The following TIA1 variants were observed in gnomAD, a reference collection of about 807,000 sequenced individuals.
TIA1 encodes the protein TIA1 cytotoxic granule associated RNA binding protein, also known as cytotoxic granule associated RNA binding protein TIA1.
In TIA1, 23 loss-of-function variants were observed where a neutral mutation model predicts 65.9. The observed-to-expected ratio is 0.35, with a 90% CI of 0.25 to 0.49. TIA1 has a LOEUF of 0.49. TIA1 is among the 20% of genes least tolerant of loss of function. The pLI is 0.98. For synonymous variants in TIA1, 147 were observed against 149.4 expected, an observed-to-expected ratio of 0.98 and a Z score of 0.12; for missense variants, 371 against 477.9, an observed-to-expected ratio of 0.78 and a Z score of 2.09.
chr2:70,224,585 C>G lies in TIA1; in HGVS notation c.443G>C (p.Gly148Ala), dbSNP rs1200540437. The change falls in exon 7 of 13, where the codon GGA becomes GCA. Residue 148 changes from glycine (G) to alanine (A), a missense_variant. Physicochemically the swap from Gly to Ala is moderately conservative, Grantham distance 60. Coordinates refer to ENST00000433529, the MANE Select transcript of TIA1 (RefSeq NM_022173.4). Reference protein sequence around the residue: ...VKDMATGKSKGYGFVSFFNKW... With the variant: ...VKDMATGKSKAYGFVSFFNKW... Reference sequence around the variant, plus strand: ...GTTGAAAAAGGAGACAAAGCCATATCCCTTAGACTTTCCTGTTGCCATGTC... The same window carrying G: ...GTTGAAAAAGGAGACAAAGCCATATGCCTTAGACTTTCCTGTTGCCATGTC... 2 of 1,614,044 alleles carry G rather than the reference C, an allele frequency of 1.2e-6. No homozygotes were observed. The highest frequency in any genetic ancestry group is 2.2e-5 in the South Asian group (2 of 91,080).
At chr2:70,228,872 A>G in intron 5 of TIA1, 187 bp downstream of exon 5, 2 of 1,442,574 alleles carry the variant, frequency 1.4e-6, no homozygotes, top group Non-Finnish European at 1.8e-6. Flanking sequence ...AGCTTGAACT[A>G]GCACCAAAGT....
At chr2:70,247,740 C>T (rs1296420441) in intron 1 of TIA1, among the ~76,000 whole-genome samples, 14 of 152,104 alleles carry the variant, frequency 9.2e-5, no homozygotes, top group Non-Finnish European at 2.9e-5. Context: ...AAATCCATTT[C>T]CCCTCAATTG....
At position 70,217,656 on chromosome 2, in the gene TIA1, C is replaced by G. The variant is rs144487924; in HGVS notation, c.475-662G>C. ...TCGTGATCCTCCCAACTCGGCCTCT[C>G]AAAGTGCTGGGATTACAGGCGTGAG... On this transcript the variant is annotated intron_variant, in intron 7 of 12. Transcript: ENST00000433529. 5.4e-3 allele frequency among the ~76,000 whole-genome samples: 829 copies of G among 152,268 alleles called. 3 individuals are homozygous for G. Among genetic ancestry groups the G allele is most frequent in the Non-Finnish European group, 9.0e-3 (609 of 68,014 alleles).
chr2:70,215,439 T>C lies in TIA1; in HGVS notation c.820A>G (p.Ile274Val), dbSNP rs539059746. ...HAIVSVNGTT[I>V]EGHVVKCYWG... ...TAGCATTTCACAACATGACCTTCAATGGTAGTACCATTAACAGAAACAATT... is the reference window on the plus strand; with the variant it reads ...TAGCATTTCACAACATGACCTTCAACGGTAGTACCATTAACAGAAACAATT... The change falls in exon 11 of 13, where the codon ATT (isoleucine) becomes GTT (valine). Residue 274 changes from isoleucine (I) to valine (V), a missense_variant. Physicochemically the swap from Ile to Val is conservative, Grantham distance 29. Coordinates refer to ENST00000433529, the MANE Select transcript of TIA1 (RefSeq NM_022173.4). 3 of 1,614,024 alleles carry C rather than the reference T, an allele frequency of 1.9e-6. No homozygotes were observed. The highest frequency in any genetic ancestry group is 1.3e-5 in the African/African-American group (1 of 75,062).
Position 70,229,400 on chromosome 2 carries a change from A to G in TIA1, c.223-82T>C, listed in dbSNP as rs181992244. 2.6e-4 allele frequency: 307 copies of G among 1,202,360 alleles called. 2 individuals carry two copies. Among genetic ancestry groups the G allele is most frequent in the Non-Finnish European group, 4.9e-5 (41 of 836,916 alleles). The allele number at this position is 1,202,360 out of a possible 1,614,324, so 74.5% of individuals were successfully genotyped here. ...TTTGTATCTATAAACACATAGGAAGATATCTGTTTAAGATGAAACACTGAA... is the reference window on the plus strand; with the variant it reads ...TTTGTATCTATAAACACATAGGAAGGTATCTGTTTAAGATGAAACACTGAA... On this transcript the variant is annotated intron_variant, in intron 3 of 12. Transcript: ENST00000433529.
rs780075525 is a variant in TIA1, at chr2:70,248,570, A to AATT, written c.-143_-141dup. Reference sequence around the variant, plus strand: ...TTACTCCGCCTCCTCCTCCGGCGGCAATTACACTAAACCGCCCGGCCCAGC... The same window carrying AATT: ...TTACTCCGCCTCCTCCTCCGGCGGCAATTATTACACTAAACCGCCCGGCCCAGC... On this transcript the variant is annotated 5_prime_UTR_variant, in exon 1 of 13. Coordinates refer to ENST00000433529, the MANE Select transcript of TIA1 (RefSeq NM_022173.4). 2.7e-5 allele frequency: 34 copies of AATT among 1,281,130 alleles called. No homozygotes were observed. In the African/African-American group the frequency reaches 4.6e-4, roughly 17 times the overall value. The allele number at this position is 1,281,130 out of a possible 1,614,324, so 79.4% of individuals were successfully genotyped here. A position where few individuals can be genotyped will look rare whatever the true frequency, so the allele number is the denominator to read the frequency against.
intron 6 of TIA1, chr2:70,225,086 T>G: frequency 2.0e-6 from 2 of 994,276 alleles, no homozygotes; most frequent in Non-Finnish European, 2.4e-6. Flanking sequence ...TTCCCTAAAC[T>G]AATTAAACTA....
intron 1 of TIA1, among the ~76,000 whole-genome samples, chr2:70,245,702 G>A (rs369901588): frequency 6.3e-4 from 96 of 152,226 alleles, no homozygotes; most frequent in African/African-American, 2.2e-3. Flanking sequence ...AAACTTTCGG[G>A]AAGTTTGTCT....
chr2:70,230,919 A>T (rs1055159801), intron 2 of TIA1, 65 bp from the exon 3 acceptor site: 3 of 709,808 alleles, frequency 4.2e-6, no homozygotes, highest in Admixed American at 7.6e-5. Context: ...AAAATTATGT[A>T]AAAAAAAAAA....
At chr2:70,235,874 C>T (rs1344439860) in intron 2 of TIA1, among the ~76,000 whole-genome samples, 2 of 152,034 alleles carry the variant, frequency 1.3e-5, no homozygotes, top group Non-Finnish European at 2.9e-5. Context: ...AAATTAAATT[C>T]AGCTGTCAAA....
At position 70,230,806 on chromosome 2, in the gene TIA1, G is replaced by T. The variant is rs1422884714; in HGVS notation, c.172C>A (p.His58Asn). ...YCFVEFHEHR[H>N]AAAALAAMNG... ...ATAGCAGCTAATGCTGCAGCTGCAT[G>T]ACGATGCTCATGAAACTCCACAAAA... The change falls in exon 3 of 13, where the codon CAT (histidine) becomes AAT (asparagine). Residue 58 changes from histidine to asparagine, a missense_variant. His to Asn is a moderately conservative substitution (Grantham distance 68). Coordinates refer to ENST00000433529, the MANE Select transcript of TIA1 (RefSeq NM_022173.4). The T allele has an allele frequency of 6.2e-7, 1 of 1,612,910 alleles. No individual in the cohort carries two copies. Among genetic ancestry groups the T allele is most frequent in the Admixed American group, 1.7e-5 (1 of 59,790 alleles).
chr2:70,224,811 T>A, intron 6 of TIA1, 182 bp from the exon 7 acceptor site: 1 of 1,385,448 alleles, frequency 7.2e-7, no homozygotes, highest in Non-Finnish European at 9.4e-7. Context: ...TTTATAGACA[T>A]GCAAATCAAT....
chr2:70,216,484 A>G lies in TIA1; in HGVS notation c.599T>C (p.Leu200Pro). The G allele has an allele frequency of 6.2e-7, 1 of 1,613,738 alleles. No individual in the cohort carries two copies. The highest frequency in any genetic ancestry group is 8.5e-7 in the Non-Finnish European group (1 of 1,179,844). Residue 200 changes from leucine to proline, a missense_variant, in exon 9 of 13, where the codon CTA becomes CCA. Physicochemically the swap from Leu to Pro is moderately conservative, Grantham distance 98 (BLOSUM62 -3). Transcript: ENST00000433529. ...KSTYESNTKQLSYDEVVNQSS... is the reference protein window; with the variant it reads ...KSTYESNTKQPSYDEVVNQSS... ...CTGATTTACAACCTCATCATATGAT[A>G]GCTGTTTGGTATTTGCTGGTGAGAG...
Position 70,212,098 on chromosome 2 carries a change from T to C in TIA1, c.*621A>G, listed in dbSNP as rs563201949. 1 of 152,724 alleles carries C rather than the reference T, an allele frequency of 6.5e-6. No individual in the cohort carries two copies. The highest frequency in any genetic ancestry group is 2.4e-5 in the African/African-American group (1 of 41,576). 9.5% of individuals were successfully genotyped at this position (152,724 alleles called of 1,614,324 possible). On this transcript the variant is annotated 3_prime_UTR_variant, in exon 13 of 13. Transcript: ENST00000433529. ...TTCAATCTAAATGAACATCATTTTT[T>C]CCATTTAAGTATATTTTACAGAACT...
intron 2 of TIA1, among the ~76,000 whole-genome samples, chr2:70,234,630 C>T (rs747709646): frequency 2.0e-5 from 3 of 152,096 alleles, no homozygotes; most frequent in Non-Finnish European, 4.4e-5. Context: ...GGTGCAATCT[C>T]GGCTCACTGC....
intron 3 of TIA1, 102 bp downstream of exon 3, chr2:70,230,652 CAA>C (rs5832003): frequency 4.4e-3 from 2,976 of 673,690 alleles, no homozygotes; most frequent in Middle Eastern, 6.5e-3. Flanking sequence ...AATTTCATCT[CAA>C]AAAAAAAAAA....
At chr2:70,235,233 T>C (rs752812557) in intron 2 of TIA1, among the ~76,000 whole-genome samples, 2 of 152,222 alleles carry the variant, frequency 1.3e-5, no homozygotes, top group East Asian at 1.9e-4. Context: ...CTGACCAACA[T>C]GGAGAAACCC....
chr2:70,216,078 G>A (rs545541693), intron 10 of TIA1, 130 bp downstream of exon 10: 1 of 915,728 alleles, frequency 1.1e-6, no homozygotes, highest in African/African-American at 1.7e-5. Flanking sequence ...TATAACCAAG[G>A]TAAATTTTTA....
chr2:70,231,960 C>A (rs1043957517), intron 2 of TIA1, among the ~76,000 whole-genome samples: 1 of 151,012 alleles, frequency 6.6e-6, no homozygotes. Context: ...CCCAGCACTT[C>A]GAGAGGCCGA....
Sources: gnomAD v4.1 joint callset for allele counts (sites outside exome capture counted in the v4.1 genomes callset) on GRCh38, gnomAD v4.1.1 for gene constraint, MANE v1.5 for transcripts, NCBI Gene and HGNC (gene_info 2026-07-23, HGNC 2026-07-21) for gene names.